The following MAGI1 variants were observed in gnomAD, a reference collection of about 807,000 sequenced individuals.
The protein encoded by MAGI1 is membrane-associated guanylate kinase, WW and PDZ domain-containing protein 1.
Under a neutral mutation model 139.9 loss-of-function variants are expected in MAGI1, and 58 were observed. The ratio of observed to expected loss-of-function variants is 0.41; its 90% CI spans 0.34 to 0.52. The LOEUF (loss-of-function observed/expected upper bound fraction) is 0.52, where lower values mean the gene tolerates loss of function less well. Among genes scored for constraint, MAGI1 ranks in the 20% least tolerant of loss-of-function variants. MAGI1 has a pLI of 0.12. For missense variants in MAGI1, 1,874 were observed against 1,901.6 expected, an observed-to-expected ratio of 0.99 and a Z score of 0.27; for synonymous variants, 812 against 737.9, an observed-to-expected ratio of 1.10 and a Z score of -1.63.
At chr3:65,894,749 T>G (rs1426971414) in intron 1 of MAGI1, among the ~76,000 whole-genome samples, 1 of 152,236 alleles carries the variant, frequency 6.6e-6, no homozygotes, top group African/African-American at 2.4e-5. Context: ...AAACTCCATC[T>G]GATGCCAAAA....
chr3:65,557,493 T>TTCC (rs2080142547), intron 2 of MAGI1, among the ~76,000 whole-genome samples: 1 of 152,186 alleles, frequency 6.6e-6, no homozygotes, highest in African/African-American at 2.4e-5. Flanking sequence ...CACCCCTGGA[T>TTCC]TCCTGACCCT....
At chr3:65,909,065 G>C (rs561769041) in intron 1 of MAGI1, among the ~76,000 whole-genome samples, 10 of 152,110 alleles carry the variant, frequency 6.6e-5, no homozygotes, top group Non-Finnish European at 1.2e-4. Flanking sequence ...ATCAAGTTAA[G>C]GTGTGTCTAT....
chr3:66,001,463 G>C (rs1262087902), intron 1 of MAGI1, among the ~76,000 whole-genome samples: 1 of 152,130 alleles, frequency 6.6e-6, no homozygotes, highest in African/African-American at 2.4e-5. Flanking sequence ...AGAAAGAAAA[G>C]AGTATCAGCC....
chr3:65,879,912 G>A (rs78635608), intron 1 of MAGI1, among the ~76,000 whole-genome samples: 38 of 152,274 alleles, frequency 2.5e-4, no homozygotes, highest in African/African-American at 8.9e-4. Flanking sequence ...CTCTCCCCTT[G>A]TAGTTCCTGC....
chr3:65,989,046 C>T (rs545862206), intron 1 of MAGI1, among the ~76,000 whole-genome samples: 55 of 152,240 alleles, frequency 3.6e-4, no homozygotes, highest in Non-Finnish European at 6.8e-4. Context: ...GTTAATAAGT[C>T]GAAGGACAGA....
chr3:65,864,033 C>A (rs995791526), intron 1 of MAGI1, among the ~76,000 whole-genome samples: 2 of 152,062 alleles, frequency 1.3e-5, no homozygotes, highest in Non-Finnish European at 2.9e-5. Context: ...AAGAATATTT[C>A]TCTTTTTTAT....
intron 2 of MAGI1, among the ~76,000 whole-genome samples, chr3:65,497,126 C>G (rs1348489070): frequency 2.0e-5 from 3 of 151,860 alleles, no homozygotes; most frequent in Non-Finnish European, 4.4e-5. Flanking sequence ...GTCTGAAGGT[C>G]AGAGTAGAGG....
At chr3:65,774,857 T>G (rs78614090) in intron 1 of MAGI1, among the ~76,000 whole-genome samples, 4,501 of 152,286 alleles carry the variant, frequency 0.03, 87 homozygotes, top group Middle Eastern at 0.044. Flanking sequence ...GAGAAGATTT[T>G]GATTTCTGTC....
intron 2 of MAGI1, among the ~76,000 whole-genome samples, chr3:65,497,751 C>A (rs1314383329): frequency 6.6e-6 from 1 of 152,112 alleles, no homozygotes; most frequent in Non-Finnish European, 1.5e-5. Flanking sequence ...ACCCTGGGGT[C>A]TTAATTTCCT....
chr3:65,614,066 C>A lies in MAGI1; in HGVS notation c.430+7906G>T, dbSNP rs2083251568. On this transcript the variant is annotated intron_variant, in intron 2 of 22. Coordinates refer to ENST00000402939, the MANE Select transcript of MAGI1 (RefSeq NM_001033057.2). ...ACTGAGTCACAGGAAGCATGAGTAA[C>A]CTGCCCAAGCCAACAAAACTGGTAA... 2.0e-5 allele frequency among the ~76,000 whole-genome samples: 3 copies of A among 152,144 alleles called. No individual in the cohort carries two copies. The East Asian group carries it at 5.8e-4, about 29-fold the overall frequency.
chr3:65,645,417 T>G (rs535837924), intron 1 of MAGI1, among the ~76,000 whole-genome samples: 4 of 152,284 alleles, frequency 2.6e-5, no homozygotes, highest in African/African-American at 9.6e-5. Flanking sequence ...AGAAACGAAC[T>G]GTCAGCCCAG....
At chr3:65,411,106 G>C (rs1214693840) in intron 12 of MAGI1, among the ~76,000 whole-genome samples, 5 of 152,070 alleles carry the variant, frequency 3.3e-5, no homozygotes, top group Non-Finnish European at 7.4e-5. Flanking sequence ...TTCTACCCTA[G>C]GTAATATTCC....
At chr3:65,764,146 T>C (rs2037281529) in intron 1 of MAGI1, among the ~76,000 whole-genome samples, 1 of 151,650 alleles carries the variant, frequency 6.6e-6, no homozygotes, top group Non-Finnish European at 1.5e-5. Context: ...ACATGGTCTA[T>C]GGTCTTCCGT....
chr3:65,591,690 G>A (rs1489793413), intron 2 of MAGI1, among the ~76,000 whole-genome samples: 1 of 152,092 alleles, frequency 6.6e-6, no homozygotes, highest in Non-Finnish European at 1.5e-5. Context: ...CTTATACTCT[G>A]ACCTCTCCTC....
At position 65,356,898 on chromosome 3, in the gene MAGI1, T is replaced by C. The variant is rs1289037240; in HGVS notation, c.3869A>G (p.Asp1290Gly). 1.2e-6 allele frequency: 2 copies of C among 1,614,064 alleles called. No homozygotes were observed. Among genetic ancestry groups the C allele is most frequent in the East Asian group, 4.5e-5 (2 of 44,866 alleles). ...HTWNGTSRKP[D>G]SGACRPKDRA... is the part of the protein sequence containing the mutation. ...GTCCTTGGGTCGGCATGCCCCGCTGTCGGGTTTCCTCGAAGTCCCATTCCA... is the reference window on the plus strand; with the variant it reads ...GTCCTTGGGTCGGCATGCCCCGCTGCCGGGTTTCCTCGAAGTCCCATTCCA... Residue 1290 changes from aspartate (D) to glycine (G), a missense_variant, in exon 23 of 23, where the codon GAC becomes GGC. By Grantham distance (94) the Asp-to-Gly change is moderately conservative. This residue lies in a region of MAGI1 where 653 missense variants were observed against 644.5 expected (regional missense o/e 1.01). Transcript: ENST00000402939.
intron 1 of MAGI1, among the ~76,000 whole-genome samples, chr3:65,916,784 A>AACAC (rs147407295): frequency 2.0e-5 from 3 of 149,846 alleles, no homozygotes; most frequent in Non-Finnish European, 3.0e-5. Flanking sequence ...TACACACACT[A>AACAC]ACACACACAC....
chr3:65,576,111 A>G (rs1029511666), intron 2 of MAGI1, among the ~76,000 whole-genome samples: 1 of 152,178 alleles, frequency 6.6e-6, no homozygotes, highest in Non-Finnish European at 1.5e-5. Flanking sequence ...ATATTTGTCT[A>G]ATTTTGTTTT....
At chr3:66,033,132 G>A (rs1350676550) in intron 1 of MAGI1, among the ~76,000 whole-genome samples, 1 of 151,638 alleles carries the variant, frequency 6.6e-6, no homozygotes, top group Non-Finnish European at 1.5e-5. Flanking sequence ...GGTCTCAAGC[G>A]ATTCTCCCAC....
chr3:65,739,337 C>T (rs1292262524), intron 1 of MAGI1, among the ~76,000 whole-genome samples: 3 of 152,194 alleles, frequency 2.0e-5, no homozygotes, highest in Non-Finnish European at 4.4e-5. Flanking sequence ...TGCTCTGGAT[C>T]AGGCTTTGGC....
Sources: gnomAD v4.1 joint callset for allele counts (sites outside exome capture counted in the v4.1 genomes callset) on GRCh38, gnomAD v4.1.1 for gene constraint, gnomAD v4.1.1 regional missense constraint, MANE v1.5 for transcripts, NCBI Gene and HGNC (gene_info 2026-07-23, HGNC 2026-07-21) for gene names.